Variants in ANK1 observed in about 807,000 individuals in gnomAD.
The protein encoded by ANK1 is ankyrin-1.
In ANK1, 51 loss-of-function variants were observed where a neutral mutation model predicts 210.4. The ratio of observed to expected loss-of-function variants is 0.24; its 90% confidence interval spans 0.19 to 0.31. The LOEUF (loss-of-function observed/expected upper bound fraction) is 0.31, where lower values mean the gene tolerates loss of function less well. ANK1 is among the 10% of genes least tolerant of loss of function. The pLI is 1.00. For missense variants in ANK1, 2,051 were observed against 2,504.4 expected (o/e 0.82, Z 3.86); for synonymous variants, 967 against 1,025.9 (o/e 0.94, Z 1.10).
intron 1 of ANK1, among the ~76,000 whole-genome samples, chr8:41,772,945 G>A (rs1213513810): frequency 6.6e-6 from 1 of 152,160 alleles, no homozygotes; most frequent in Admixed American, 6.5e-5. Flanking sequence ...CCTGGGGAGT[G>A]TGTCAGCCAC....
At chr8:41,734,248 G>A (rs1168909854) in intron 2 of ANK1, among the ~76,000 whole-genome samples, 179 bp from the exon 3 acceptor site, 2 of 152,180 alleles carry the variant, frequency 1.3e-5, no homozygotes, top group African/African-American at 2.4e-5. Context: ...TCCCCTTCAC[G>A]CCTCAGGTCA....
chr8:41,807,075 C>T (rs945408733), intron 1 of ANK1, among the ~76,000 whole-genome samples: 4 of 152,198 alleles, frequency 2.6e-5, no homozygotes, highest in African/African-American at 7.2e-5. Context: ...GTTCATCATT[C>T]ATTTATTCAC....
chr8:41,674,115 CCCTCAGCCTCCGCTCGGGG>C (rs569342315), intron 37 of ANK1, among the ~76,000 whole-genome samples: 128 of 152,260 alleles, frequency 8.4e-4, no homozygotes, highest in South Asian at 2.7e-3. Context: ...CTTTCTTGCC[CCCTCAGCCTCCGCTCGGGG>C]CCTCAGCCTC....
At chr8:41,778,499 C>T (rs946212866) in intron 1 of ANK1, among the ~76,000 whole-genome samples, 21 of 152,122 alleles carry the variant, frequency 1.4e-4, no homozygotes, top group Non-Finnish European at 2.4e-4. Context: ...TTTCAAAGGC[C>T]GCTGTGTTCC....
intron 1 of ANK1, among the ~76,000 whole-genome samples, chr8:41,764,422 T>G (rs1246505699): frequency 6.6e-6 from 1 of 152,106 alleles, no homozygotes; most frequent in African/African-American, 2.4e-5. Context: ...TTCAAAACAT[T>G]TACCTGAGCA....
chr8:41,861,303 T>C (rs1170748181), intron 1 of ANK1, among the ~76,000 whole-genome samples: 3 of 152,194 alleles, frequency 2.0e-5, no homozygotes, highest in Non-Finnish European at 4.4e-5. Flanking sequence ...TCCCATAGTG[T>C]GTTCTGTGGA....
chr8:41,663,124 G>C lies in ANK1; in HGVS notation c.5478+535C>G, dbSNP rs1380254061. On this transcript the variant is annotated intron_variant, in intron 40 of 42. Transcript: ENST00000289734. ...TCTCTCTCTCTCTCTCTGTGTGTGT[G>C]TGTGTGTGTGTGTGTGTATTTATTT... Among the ~76,000 whole-genome samples, 85 of 151,788 alleles carry C rather than the reference G, an allele frequency of 5.6e-4. No homozygotes were observed. In the East Asian group the frequency reaches 0.013, roughly 23 times the overall value.
At chr8:41,729,789 G>A (rs1379274171) in intron 3 of ANK1, among the ~76,000 whole-genome samples, 3 of 152,186 alleles carry the variant, frequency 2.0e-5, no homozygotes, top group Non-Finnish European at 4.4e-5. Context: ...GCTCCTGCCA[G>A]CCCCTGGGGG....
chr8:41,811,779 C>G (rs941800094), intron 1 of ANK1, among the ~76,000 whole-genome samples: 1 of 152,220 alleles, frequency 6.6e-6, no homozygotes, highest in Non-Finnish European at 1.5e-5. Flanking sequence ...ACACAGTGCC[C>G]ACACGTGGTA....
chr8:41,848,859 G>T (rs1810613575), intron 1 of ANK1, among the ~76,000 whole-genome samples: 2 of 152,296 alleles, frequency 1.3e-5, no homozygotes, highest in African/African-American at 4.8e-5. Context: ...AGGCTGCACT[G>T]CAAAGCCCAT....
At chr8:41,792,493 C>CA (rs934329218) in intron 1 of ANK1, among the ~76,000 whole-genome samples, 5 of 152,320 alleles carry the variant, frequency 3.3e-5, no homozygotes, top group African/African-American at 1.2e-4. Flanking sequence ...CATGGGTTTC[C>CA]AATTAATTCA....
chr8:41,836,293 C>T (rs1379808677), intron 1 of ANK1, among the ~76,000 whole-genome samples: 1 of 152,370 alleles, frequency 6.6e-6, no homozygotes, highest in Non-Finnish European at 1.5e-5. Context: ...AACACCCCTC[C>T]ATGCTTGCTG....
In ANK1 at chr8:41,727,895, AGAGAGC is replaced by A; in HGVS notation, c.327+7_327+12del. 3.1e-6 allele frequency: 5 copies of A among 1,609,808 alleles called. No individual in the cohort carries two copies. The highest frequency in any genetic ancestry group is 2.6e-6 in the Non-Finnish European group (3 of 1,176,016). On this transcript the variant is annotated splice_region_variant and intron_variant, in intron 4 of 42. Transcript: ENST00000289734. Reference sequence around the variant, plus strand: ...AAGGCAACACCCTCTAGTCCAGACCAGAGAGCCATTACCTGTGACTGGGCGTTGACG... The same window carrying A: ...AAGGCAACACCCTCTAGTCCAGACCACATTACCTGTGACTGGGCGTTGACG...
intron 23 of ANK1, 28 bp downstream of exon 23, chr8:41,699,424 C>G (rs766372849): frequency 7.3e-5 from 118 of 1,610,498 alleles, no homozygotes; most frequent in Non-Finnish European, 9.7e-5. Flanking sequence ...TCGGCACCCC[C>G]GGGGACCCTC....
At chr8:41,698,251 G>A in intron 23 of ANK1, 130 bp from the exon 24 acceptor site, 1 of 874,296 alleles carries the variant, frequency 1.1e-6, no homozygotes. Flanking sequence ...CAACCTGGTG[G>A]AAGGACCGCC....
chr8:41,796,044 T>C (rs941631349), intron 1 of ANK1, among the ~76,000 whole-genome samples: 1 of 152,212 alleles, frequency 6.6e-6, no homozygotes, highest in African/African-American at 2.4e-5. Flanking sequence ...TAAATTATTA[T>C]ATACCAATAA....
At chr8:41,800,828 C>T (rs936674662), upstream of ANK1, among the ~76,000 whole-genome samples, 1 of 152,162 alleles carries the variant, frequency 6.6e-6, no homozygotes, top group Non-Finnish European at 1.5e-5. Flanking sequence ...CATCCTCCTG[C>T]CTCATCCTCC....
intron 1 of ANK1, among the ~76,000 whole-genome samples, chr8:41,764,336 T>A (rs954806558): frequency 2.0e-5 from 3 of 152,182 alleles, no homozygotes; most frequent in African/African-American, 7.2e-5. Flanking sequence ...ACTGCTCCAA[T>A]TCAATGACCT....
chr8:41,855,930 C>T (rs149096684), intron 1 of ANK1, among the ~76,000 whole-genome samples: 1,815 of 152,188 alleles, frequency 0.012, 15 homozygotes, highest in Middle Eastern at 0.024. Context: ...GATTTAAAGC[C>T]GTGACATTCT....
Sources: allele counts gnomAD v4.1 joint callset (sites outside exome capture counted in the v4.1 genomes callset), GRCh38; gene constraint gnomAD v4.1.1; transcripts MANE v1.5; gene names NCBI Gene and HGNC (gene_info 2026-07-23, HGNC 2026-07-21).